PNPLA1: variants seen among roughly 807,000 people sequenced by gnomAD.
PNPLA1 encodes the protein omega-hydroxyceramide transacylase.
In PNPLA1, 36 loss-of-function variants were observed where a neutral mutation model predicts 51.7. That is an observed-to-expected ratio of 0.70 (90% CI 0.53 to 0.92). PNPLA1 has a LOEUF of 0.92. PNPLA1 is among the 40% of genes least tolerant of loss of function. The pLI, the probability that PNPLA1 is intolerant of heterozygous loss-of-function variation, is 0.00. For missense variants in PNPLA1, 658 were observed against 682.5 expected (o/e 0.96, Z 0.40); for synonymous variants, 293 against 280.1 (o/e 1.05, Z -0.46).
At position 36,302,100 on chromosome 6, in the gene PNPLA1, T is replaced by C; in HGVS notation, c.1015T>C (p.Cys339Arg). 1 of 1,614,210 alleles carries C rather than the reference T, an allele frequency of 6.2e-7. No individual in the cohort carries two copies. Among genetic ancestry groups the C allele is most frequent in the Non-Finnish European group, 8.5e-7 (1 of 1,180,032 alleles). ...ACCTGTGCAGACACTTGAATTCACA[T>C]GCGAGTCACCTGTTTCAGCACCAGT... Reference protein sequence around the residue: ...SQPVQTLEFTCESPVSAPVSP... With the variant: ...SQPVQTLEFTRESPVSAPVSP... The change falls in exon 6 of 9, where the codon TGC (cysteine) becomes CGC (arginine). Residue 339 changes from cysteine to arginine, a missense_variant. Coordinates refer to ENST00000636260, the MANE Select transcript of PNPLA1 (RefSeq NM_001374623.1).
intron 1 of PNPLA1, among the ~76,000 whole-genome samples, chr6:36,247,635 G>T (rs777455094): frequency 2.0e-5 from 3 of 152,192 alleles, no homozygotes; most frequent in Non-Finnish European, 2.9e-5. Flanking sequence ...AAAAGCAGAG[G>T]GGGGACGTTG....
intron 6 of PNPLA1, 79 bp from the exon 7 acceptor site, chr6:36,306,213 A>T: frequency 9.8e-7 from 1 of 1,018,776 alleles, no homozygotes. Context: ...ATTCTCATTT[A>T]CTGACTATTG....
intron 3 of PNPLA1, among the ~76,000 whole-genome samples, chr6:36,293,617 G>A (rs2285130): frequency 0.26 from 39,419 of 152,200 alleles, 6,527 homozygotes; most frequent in Admixed American, 0.37. Flanking sequence ...CGTGCTGCTG[G>A]TGGGTGGGCC....
rs1419069839 is a variant in PNPLA1, at chr6:36,312,965, G to T, written c.*1079G>T. ...GCCAACGACACGCTTCCTCTTTCTT[G>T]TGGTGGCAGGAGCCCAAGTTCTGGT... On this transcript the variant is annotated 3_prime_UTR_variant, in exon 9 of 9. Transcript: ENST00000636260. Among the ~76,000 whole-genome samples the T allele has an allele frequency of 1.3e-5, 2 of 152,182 alleles. No individual in the cohort carries two copies. The highest frequency in any genetic ancestry group is 1.3e-4 in the Admixed American group (2 of 15,282).
chr6:36,294,503 C>A lies in PNPLA1; in HGVS notation c.714+104C>A. ...CTCAAGTTCCATCTGAGTCTCCTCC[C>A]CTCAAATGGTCCTTTAAACTTCCTC... On this transcript the variant is annotated intron_variant, in intron 4 of 8. Transcript: ENST00000636260. The surrounding 1 kb of genome is among the most constrained non-coding windows in gnomAD (Gnocchi z 4.2). 1 of 1,080,174 alleles carries A rather than the reference C, an allele frequency of 9.3e-7. No homozygotes were observed. Among genetic ancestry groups the A allele is most frequent in the South Asian group, 1.5e-5 (1 of 68,670 alleles). The allele number at this position is 1,080,174 out of a possible 1,614,324, so 66.9% of individuals were successfully genotyped here.
chr6:36,248,900 G>A (rs891772845), intron 1 of PNPLA1, among the ~76,000 whole-genome samples: 3 of 152,190 alleles, frequency 2.0e-5, no homozygotes, highest in Non-Finnish European at 4.4e-5. Flanking sequence ...AAAAGGGGGG[G>A]TGTGGGCAAG....
chr6:36,290,795 C>T (rs924551414), intron 1 of PNPLA1, among the ~76,000 whole-genome samples: 2 of 152,328 alleles, frequency 1.3e-5, no homozygotes, highest in South Asian at 2.1e-4. Context: ...TTCACCTCCT[C>T]CTCATGATTC....
At position 36,304,622 on chromosome 6, in the gene PNPLA1, G is replaced by A. The variant is rs150507160; in HGVS notation, c.1385-1670G>A. Among the ~76,000 whole-genome samples, 451 of 129,646 alleles carry A rather than the reference G, an allele frequency of 3.5e-3. 3 individuals carry two copies. The Middle Eastern group carries it at 0.045, about 13-fold the overall frequency. 85.1% of individuals were successfully genotyped at this position (129,646 alleles called of 152,430 possible). ...AGCCTGGGCGACAGAGTGAGACTCCGTCTCAGGAAAAAAAAAAAAAAAAAA... is the reference window on the plus strand; with the variant it reads ...AGCCTGGGCGACAGAGTGAGACTCCATCTCAGGAAAAAAAAAAAAAAAAAA... On this transcript the variant is annotated intron_variant, in intron 6 of 8. Transcript: ENST00000636260.
intron 1 of PNPLA1, among the ~76,000 whole-genome samples, chr6:36,281,277 T>C (rs1770273953): frequency 6.6e-6 from 1 of 152,228 alleles, no homozygotes; most frequent in African/African-American, 2.4e-5. Context: ...TGGATTTCAG[T>C]CCTGGCTGCT....
At chr6:36,251,363 C>G (rs1177860174) in intron 1 of PNPLA1, among the ~76,000 whole-genome samples, 1 of 152,116 alleles carries the variant, frequency 6.6e-6, no homozygotes, top group Non-Finnish European at 1.5e-5. Flanking sequence ...ATAATAGATG[C>G]TTAATAAATA....
Position 36,291,554 on chromosome 6 carries a change from C to G in PNPLA1, c.438+2C>G. On this transcript the variant is annotated splice_donor_variant, in intron 2 of 8. Coordinates refer to ENST00000636260, the MANE Select transcript of PNPLA1 (RefSeq NM_001374623.1). LOFTEE classifies it high-confidence loss of function. The stretch of plus-strand genomic sequence containing the variant: ...ACGTCCAAGGAGGAGCTCATTGAGG[C>G]AAGGGGGCTGGGCTGGGAGGGAGGG... 1.3e-6 allele frequency: 1 copy of G among 743,778 alleles called. No homozygotes were observed. Among genetic ancestry groups the G allele is most frequent in the Non-Finnish European group, 1.9e-6 (1 of 517,950 alleles). The allele number at this position is 743,778 out of a possible 1,614,324, so 46.1% of individuals were successfully genotyped here. A position where few individuals can be genotyped will look rare whatever the true frequency, so the allele number is the denominator to read the frequency against.
At chr6:36,282,195 A>G in intron 1 of PNPLA1, among the ~76,000 whole-genome samples, 1 of 63,994 alleles carries the variant, frequency 1.6e-5, no homozygotes, top group African/African-American at 5.8e-5. Context: ...GAAAGAAAGA[A>G]GGAAGGAAGG....
chr6:36,313,135 G>A lies in PNPLA1; in HGVS notation c.*1249G>A, dbSNP rs890679399. Among the ~76,000 whole-genome samples, 1 of 152,178 alleles carries A rather than the reference G, an allele frequency of 6.6e-6. No homozygotes were observed. The highest frequency in any genetic ancestry group is 1.5e-5 in the Non-Finnish European group (1 of 68,040). On this transcript the variant is annotated 3_prime_UTR_variant, in exon 9 of 9. Transcript: ENST00000636260. The stretch of plus-strand genomic sequence containing the variant: ...ATGTGGTGCTGTGGTGTTGAGACAG[G>A]CTGCCCTGGAGTCCTGGGTGGCTGT...
chr6:36,296,088 A>G (rs1462126925), intron 5 of PNPLA1, among the ~76,000 whole-genome samples: 1 of 152,218 alleles, frequency 6.6e-6, no homozygotes, highest in Non-Finnish European at 1.5e-5. Flanking sequence ...AGGCAGGAGA[A>G]TCACTTGAGC....
intron 1 of PNPLA1, among the ~76,000 whole-genome samples, chr6:36,263,686 T>C (rs1283745131): frequency 6.6e-6 from 1 of 152,066 alleles, no homozygotes; most frequent in African/African-American, 2.4e-5. Flanking sequence ...TGTTCTGGCA[T>C]TTGTGGCCTC....
At chr6:36,293,633 C>G (rs1328394773) in intron 3 of PNPLA1, among the ~76,000 whole-genome samples, 1 of 152,200 alleles carries the variant, frequency 6.6e-6, no homozygotes, top group Non-Finnish European at 1.5e-5. Flanking sequence ...GGGCCACACT[C>G]TGAGTGGTGA....
At chr6:36,253,536 T>C (rs1181645181) in intron 1 of PNPLA1, among the ~76,000 whole-genome samples, 1 of 152,208 alleles carries the variant, frequency 6.6e-6, no homozygotes, top group Non-Finnish European at 1.5e-5. Context: ...GATGCAGTGG[T>C]GTGATCATAG....
chr6:36,269,927 C>T (rs1769857255), upstream of PNPLA1, among the ~76,000 whole-genome samples: 1 of 152,208 alleles, frequency 6.6e-6, no homozygotes, highest in Non-Finnish European at 1.5e-5. Context: ...CACCGTCCTC[C>T]TGGAGGGAGG....
At chr6:36,309,441 G>A (rs1192539401) in intron 8 of PNPLA1, among the ~76,000 whole-genome samples, 1 of 152,136 alleles carries the variant, frequency 6.6e-6, no homozygotes, top group African/African-American at 2.4e-5. Context: ...GATCTGCGGT[G>A]GGTGTGGGGA....
Sources: gnomAD v4.1 joint callset for allele counts (sites outside exome capture counted in the v4.1 genomes callset) on GRCh38, gnomAD v4.1.1 for gene constraint, Gnocchi (gnomAD v3.1) non-coding constraint, MANE v1.5 for transcripts, NCBI Gene and HGNC (gene_info 2026-07-23, HGNC 2026-07-21) for gene names.